Variants in CLCF1 observed in about 807,000 individuals in gnomAD.
CLCF1 encodes cardiotrophin like cytokine factor 1, also known as cardiotrophin-like cytokine factor 1.
CLCF1 carries 10 observed loss-of-function variants against 21.2 expected under a neutral mutation model. The ratio of observed to expected loss-of-function variants is 0.47; its 90% CI spans 0.29 to 0.80. The LOEUF (loss-of-function observed/expected upper bound fraction) is 0.80. Among genes scored for constraint, CLCF1 ranks in the 30% least tolerant of loss-of-function variants. CLCF1 has a pLI of 0.09. For missense variants in CLCF1, 240 were observed against 293.4 expected, an observed-to-expected ratio of 0.82 and a Z score of 1.33; for synonymous variants, 115 against 120.5, an observed-to-expected ratio of 0.95 and a Z score of 0.30.
chr11:67,373,706 CT>C (rs982017482), upstream of CLCF1: 2 of 1,215,802 alleles, frequency 1.6e-6, no homozygotes, highest in Non-Finnish European at 1.0e-6. Context: ...GTGGGACATT[CT>C]GCAAACTTTT....
At chr11:67,367,773 G>C (rs1393054497) in intron 1 of CLCF1, 147 bp from the exon 2 acceptor site, 5 of 1,504,822 alleles carry the variant, frequency 3.3e-6, no homozygotes, top group Non-Finnish European at 4.4e-6. Flanking sequence ...GATGGAGGAG[G>C]GGAAACACTC....
chr11:67,372,976 C>T lies in CLCF1; in HGVS notation c.16+548G>A, dbSNP rs1365042244. On this transcript the variant is annotated intron_variant, in intron 1 of 2. Coordinates refer to ENST00000312438, the MANE Select transcript of CLCF1 (RefSeq NM_013246.3). This position sits in a 1 kb window ranked among gnomAD's most constrained non-coding sequence, Gnocchi z 5.9. ...GCTCGGCCCGTCCGGCCCGGCCCAG[C>T]CAGGCTCGGCGCTGCCCTCCGCCCT... 6.6e-6 allele frequency among the ~76,000 whole-genome samples: 1 copy of T among 150,492 alleles called. No homozygotes were observed. Among genetic ancestry groups the T allele is most frequent in the Non-Finnish European group, 1.5e-5 (1 of 67,330 alleles).
chr11:67,370,193 G>A (rs910643327), intron 1 of CLCF1: 14 of 985,424 alleles, frequency 1.4e-5, no homozygotes, highest in Non-Finnish European at 1.7e-5. Context: ...CGTGTCTCAG[G>A]CAGCAGGAGG....
Position 67,367,476 on chromosome 11 carries a change from C to T in CLCF1, c.167G>A (p.Ser56Asn). 2 of 1,614,252 alleles carry T rather than the reference C, an allele frequency of 1.2e-6. No individual in the cohort carries two copies. Among genetic ancestry groups the T allele is most frequent in the Non-Finnish European group, 1.7e-6 (2 of 1,180,040 alleles). ...GATACTCACATAGGTCCCAGCCAAG[C>T]TGCGGAGTTGGTGCTCCAGGTAGCG... ...LTRYLEHQLR[S>N]LAGTYLNYLG... Residue 56 changes from serine (S) to asparagine (N), a missense_variant, in exon 2 of 3, where the codon AGC (serine) becomes AAC (asparagine). Transcript: ENST00000312438.
rs1400255610 is a variant in CLCF1, at chr11:67,372,780, C to G, written c.16+744G>C. On this transcript the variant is annotated intron_variant, in intron 1 of 2. Transcript: ENST00000312438. This position sits in a 1 kb window ranked among gnomAD's most constrained non-coding sequence, Gnocchi z 5.9. Reference sequence around the variant, plus strand: ...AGACTTTTTCCTGCCGGGTCCGGCCCGGCTGCGCCAGCCCCCCGCCAAACA... The same window carrying G: ...AGACTTTTTCCTGCCGGGTCCGGCCGGGCTGCGCCAGCCCCCCGCCAAACA... Among the ~76,000 whole-genome samples, 3 of 150,342 alleles carry G rather than the reference C, an allele frequency of 2.0e-5. No individual in the cohort carries two copies. The highest frequency in any genetic ancestry group is 4.5e-5 in the Non-Finnish European group (3 of 67,272).
At position 67,367,134 on chromosome 11, in the gene CLCF1, C is replaced by CG. The variant is rs1565106446; in HGVS notation, c.183+325dup. Among the ~76,000 whole-genome samples, 4 of 152,084 alleles carry CG rather than the reference C, an allele frequency of 2.6e-5. No homozygotes were observed. The South Asian group carries it at 8.3e-4, about 32-fold the overall frequency. On this transcript the variant is annotated intron_variant, in intron 2 of 2. Coordinates refer to ENST00000312438, the MANE Select transcript of CLCF1 (RefSeq NM_013246.3). ...CCCTCTGTCCCCACCCAACCCCGCCCGCGCAAGAGACACCACAACACGGTG... is the reference window on the plus strand; with the variant it reads ...CCCTCTGTCCCCACCCAACCCCGCCCGGCGCAAGAGACACCACAACACGGTG...
chr11:67,365,497 T>C lies in CLCF1; in HGVS notation c.317A>G (p.Asn106Ser). The C allele has an allele frequency of 6.2e-7, 1 of 1,614,108 alleles. No individual in the cohort carries two copies. Among genetic ancestry groups the C allele is most frequent in the Non-Finnish European group, 8.5e-7 (1 of 1,179,972 alleles). The change falls in exon 3 of 3, where the codon AAC (asparagine) becomes AGC (serine). Residue 106 changes from asparagine to serine, a missense_variant. By Grantham distance (46) the Asn-to-Ser change is conservative. Transcript: ENST00000312438. This position sits in a 1 kb window ranked among gnomAD's most constrained non-coding sequence, Gnocchi z 5.0. ...SLNDKLRLTQ[N>S]YEAYSHLLCY... ...CAGAAGGTGGCTGTAGGCCTCGTAG[T>C]TCTGGGTCAGCCGCAGTTTGTCATT...
intron 1 of CLCF1, chr11:67,368,614 T>C: frequency 1.0e-6 from 1 of 985,440 alleles, no homozygotes; most frequent in Non-Finnish European, 1.2e-6. Flanking sequence ...AGGGTTTGGC[T>C]AGGGTAGATA....
chr11:67,369,550 C>A, intron 1 of CLCF1: 5 of 985,404 alleles, frequency 5.1e-6, no homozygotes, highest in Non-Finnish European at 6.0e-6. Flanking sequence ...AGGGATCTGG[C>A]AGTCACCTCT....
Position 67,369,283 on chromosome 11 carries a change from G to C in CLCF1, c.17-1657C>G, listed in dbSNP as rs981155405. ...CCGGCTTTACTAAGGGAGCGTGGCG[G>C]TGGGGTACCACAAGTCACAGGGTCT... On this transcript the variant is annotated intron_variant, in intron 1 of 2. Transcript: ENST00000312438. 1.5e-5 allele frequency: 15 copies of C among 985,282 alleles called. No individual in the cohort carries two copies. The Admixed American group carries it at 9.2e-4, about 61-fold the overall frequency. The allele number at this position is 985,282 out of a possible 1,614,324, so 61.0% of individuals were successfully genotyped here.
At chr11:67,373,804 G>T, upstream of CLCF1, 1 of 1,006,468 alleles carries the variant, frequency 9.9e-7, no homozygotes, top group Non-Finnish European at 1.2e-6. Flanking sequence ...GGAGGGAAGG[G>T]AGGGCTTCTG....
chr11:67,374,062 G>C (rs1862295128), upstream of CLCF1: 1 of 986,258 alleles, frequency 1.0e-6, no homozygotes, highest in African/African-American at 1.7e-5. Context: ...CCTGTGCGAG[G>C]TCCCTGCTCC....
intron 1 of CLCF1, among the ~76,000 whole-genome samples, chr11:67,371,747 T>TG (rs577597128): frequency 1.0e-3 from 138 of 134,812 alleles, no homozygotes; most frequent in East Asian, 3.2e-3. Flanking sequence ...AAGAGGGGCG[T>TG]GGGGGGGGAG....
At chr11:67,373,656 GT>G (rs1293908484), upstream of CLCF1, 18 of 1,253,260 alleles carry the variant, frequency 1.4e-5, no homozygotes, top group African/African-American at 1.6e-5. Context: ...CCACTCGCAG[GT>G]TTTTTTCGCT....
intron 2 of CLCF1, among the ~76,000 whole-genome samples, chr11:67,367,200 C>T (rs1167267255): frequency 1.3e-5 from 2 of 151,266 alleles, no homozygotes; most frequent in Non-Finnish European, 3.0e-5. Flanking sequence ...GGGAGGCGGG[C>T]GGCTGGGCTG....
chr11:67,374,058 C>T (rs1862295027), upstream of CLCF1: 1 of 985,292 alleles, frequency 1.0e-6, no homozygotes, highest in South Asian at 4.7e-5. Flanking sequence ...TCTGCCTGTG[C>T]GAGGTCCCTG....
At position 67,365,125 on chromosome 11, in the gene CLCF1, A is replaced by C; in HGVS notation, c.*11T>G. 6.2e-7 allele frequency: 1 copy of C among 1,613,644 alleles called. No individual in the cohort carries two copies. The highest frequency in any genetic ancestry group is 8.5e-7 in the Non-Finnish European group (1 of 1,180,006). On this transcript the variant is annotated 3_prime_UTR_variant, in exon 3 of 3. Transcript: ENST00000312438. The surrounding 1 kb of genome is among the most constrained non-coding windows in gnomAD (Gnocchi z 5.0). ...GGTTTGAAGGGGGAGCGAAGAGGAG[A>C]AGGTCAGAAGTCAGAAGCCATGAGC...
rs1565109118 is a variant in CLCF1, at chr11:67,372,724, C to T, written c.16+800G>A. 2.0e-5 allele frequency among the ~76,000 whole-genome samples: 3 copies of T among 150,306 alleles called. No homozygotes were observed. The highest frequency in any genetic ancestry group is 7.3e-5 in the African/African-American group (3 of 41,318). On this transcript the variant is annotated intron_variant, in intron 1 of 2. Transcript: ENST00000312438. This position sits in a 1 kb window ranked among gnomAD's most constrained non-coding sequence, Gnocchi z 5.9. ...CAACTCCCCTCCTGCCCGGGCTGAG[C>T]GGCTGCTCCCGCCGCTCCCTGGCCA... is the stretch of plus-strand genomic sequence containing the variant.
At position 67,365,406 on chromosome 11, in the gene CLCF1, G is replaced by A; in HGVS notation, c.408C>T (p.Phe136=). The part of the protein sequence containing the change: ...TAELRRSLAH[F]CTSLQGLLGS... ...CCAGCAGGCCCTGGAGGCTGGTGCAGAAGTGGGCCAGGCTGCGGCGCAGCT... is the reference window on the plus strand; with the variant it reads ...CCAGCAGGCCCTGGAGGCTGGTGCAAAAGTGGGCCAGGCTGCGGCGCAGCT... The change falls in exon 3 of 3, where the codon TTC becomes TTT. Residue 136 remains phenylalanine (F), a synonymous_variant. Transcript: ENST00000312438. This position sits in a 1 kb window ranked among gnomAD's most constrained non-coding sequence, Gnocchi z 5.0. 6.2e-7 allele frequency: 1 copy of A among 1,613,438 alleles called. No individual in the cohort carries two copies. The highest frequency in any genetic ancestry group is 8.5e-7 in the Non-Finnish European group (1 of 1,179,730).
Sources: gnomAD v4.1 joint callset for allele counts (sites outside exome capture counted in the v4.1 genomes callset) on GRCh38, gnomAD v4.1.1 for gene constraint, Gnocchi (gnomAD v3.1) non-coding constraint, MANE v1.5 for transcripts, NCBI Gene and HGNC (gene_info 2026-07-23, HGNC 2026-07-21) for gene names.